Variants in SLC9C2 observed in about 807,000 individuals in gnomAD.
The protein encoded by SLC9C2 is sodium/hydrogen exchanger 11.
A neutral mutation model predicts 140.2 loss-of-function variants in SLC9C2; 75 were observed. The ratio of observed to expected loss-of-function variants is 0.53; its 90% CI spans 0.44 to 0.65. The LOEUF is 0.65. Among genes scored for constraint, SLC9C2 ranks in the 30% least tolerant of loss-of-function variants. The pLI is 0.00. For synonymous variants in SLC9C2, 375 were observed against 420.9 expected, an observed-to-expected ratio of 0.89 and a Z score of 1.34; for missense variants, 1,074 against 1,331.8, an observed-to-expected ratio of 0.81 and a Z score of 3.01.
rs1664952050 is a variant in SLC9C2 at position 173,573,242 on chromosome 1, T to C, written c.986A>G (p.His329Arg). 2 of 1,586,662 alleles carry C rather than the reference T, an allele frequency of 1.3e-6. No homozygotes were observed. The highest frequency in any genetic ancestry group is 4.5e-5 in the East Asian group (2 of 44,684). The change falls in exon 9 of 28, where the codon CAC (histidine) becomes CGC (arginine). Residue 329 changes from histidine to arginine, a missense_variant. His to Arg is a conservative substitution (Grantham distance 29). Coordinates refer to ENST00000367714, the MANE Select transcript of SLC9C2 (RefSeq NM_178527.4). ...GAAAGGTATAGTGTGAAATTCATAG[T>C]GGCTGAGTTCTCCACATCCAATCAC... ...GIVIGCGELS[H>R]YEFHTIPFIF...
chr1:173,585,346 A>C (rs1216972103), intron 5 of SLC9C2, among the ~76,000 whole-genome samples: 1 of 152,260 alleles, frequency 6.6e-6, no homozygotes, highest in African/African-American at 2.4e-5. Context: ...TCTGTATATT[A>C]TAATTTTAGG....
rs781069531 is a variant in SLC9C2 at position 173,524,806 on chromosome 1, A to C, written c.2487T>G (p.Asp829Glu). 4 of 1,614,046 alleles carry C rather than the reference A, an allele frequency of 2.5e-6. No individual in the cohort carries two copies. The South Asian group carries it at 4.4e-5, about 18-fold the overall frequency. Residue 829 changes from aspartate (D) to glutamate (E), a missense_variant, in exon 20 of 28, where the codon GAT becomes GAG. By Grantham distance (45) the Asp-to-Glu change is conservative (BLOSUM62 2). Coordinates refer to ENST00000367714, the MANE Select transcript of SLC9C2 (RefSeq NM_178527.4). ...LTFLCSRGII[D>E]KHEVIEINKV... ...TATTTATCTCAATGACTTCATGCTT[A>C]TCAATAATGCCTCTTGAACAAAGGA...
intron 9 of SLC9C2, among the ~76,000 whole-genome samples, chr1:173,565,002 C>T (rs1235309380): frequency 7.7e-6 from 1 of 130,698 alleles, no homozygotes; most frequent in Non-Finnish European, 1.6e-5. Context: ...AAGTCTCACT[C>T]TGTCGCCCAG....
At position 173,583,569 on chromosome 1, in the gene SLC9C2, T is replaced by C. The variant is rs1252384306; in HGVS notation, c.577A>G (p.Ser193Gly). 1 of 1,610,652 alleles carries C rather than the reference T, an allele frequency of 6.2e-7. No individual in the cohort carries two copies. The highest frequency in any genetic ancestry group is 8.5e-7 in the Non-Finnish European group (1 of 1,178,520). ...LIRGESLIICSIASIFFGNFR... is the reference protein window; with the variant it reads ...LIRGESLIICGIASIFFGNFR... ...TTTCCAAAAAAAATTGATGCGATGCTACAAATGATCAATGATTCTCCTCTA... is the reference window on the plus strand; with the variant it reads ...TTTCCAAAAAAAATTGATGCGATGCCACAAATGATCAATGATTCTCCTCTA... Residue 193 changes from serine to glycine, a missense_variant, in exon 6 of 28, where the codon AGC becomes GGC. By Grantham distance (56) the Ser-to-Gly change is moderately conservative (BLOSUM62 0). Transcript: ENST00000367714.
chr1:173,592,325 G>A (rs1473015908), intron 4 of SLC9C2, among the ~76,000 whole-genome samples: 1 of 152,146 alleles, frequency 6.6e-6, no homozygotes, highest in Non-Finnish European at 1.5e-5. Flanking sequence ...TTTTGCTTAG[G>A]ATTGCTTTAG....
chr1:173,507,163 C>A, intron 24 of SLC9C2, 122 bp from the exon 25 acceptor site: 1 of 725,866 alleles, frequency 1.4e-6, no homozygotes, highest in Non-Finnish European at 2.2e-6. Context: ...CAGCCCCTGG[C>A]ACCAACAGAC....
chr1:173,507,193 G>A (rs193277888), intron 24 of SLC9C2, 152 bp from the exon 25 acceptor site: 1 of 642,676 alleles, frequency 1.6e-6, no homozygotes, highest in Non-Finnish European at 2.6e-6. Flanking sequence ...TTAGCATTCA[G>A]AATGGCCTCT....
rs371315479 is a variant in SLC9C2, at chr1:173,520,378, G to A, written c.2739+923C>T. The stretch of plus-strand genomic sequence containing the variant: ...ATGCCCAGCTTATATTGCCTTTCTC[G>A]ACTACCTTTTAAAAAATCACAACTA... On this transcript the variant is annotated intron_variant, in intron 22 of 27. Coordinates refer to ENST00000367714, the MANE Select transcript of SLC9C2 (RefSeq NM_178527.4). 2.5e-3 allele frequency among the ~76,000 whole-genome samples: 374 copies of A among 152,056 alleles called. 2 individuals carry two copies. The highest frequency in any genetic ancestry group is 3.7e-3 in the Non-Finnish European group (251 of 67,970).
At chr1:173,516,802 A>G (rs952218856) in intron 23 of SLC9C2, among the ~76,000 whole-genome samples, 1 of 152,172 alleles carries the variant, frequency 6.6e-6, no homozygotes. Flanking sequence ...TTATAATAGA[A>G]TGATTTACAT....
chr1:173,540,325 T>C (rs993181831), intron 13 of SLC9C2, among the ~76,000 whole-genome samples: 1 of 152,212 alleles, frequency 6.6e-6, no homozygotes, highest in African/African-American at 2.4e-5. Context: ...ATCACCTGGA[T>C]TGCCAACACA....
At chr1:173,512,789 G>T (rs947561100) in intron 23 of SLC9C2, among the ~76,000 whole-genome samples, 3 of 152,140 alleles carry the variant, frequency 2.0e-5, no homozygotes, top group Admixed American at 1.3e-4. Context: ...CTGTGGGTTT[G>T]TCATAAATAG....
chr1:173,586,020 G>A (rs1558091839), intron 5 of SLC9C2, among the ~76,000 whole-genome samples: 1 of 150,432 alleles, frequency 6.6e-6, no homozygotes, highest in Non-Finnish European at 1.5e-5. Flanking sequence ...TCCTTTTTTT[G>A]AAAAAAAATT....
chr1:173,528,742 T>TA (rs1661376154), intron 18 of SLC9C2, among the ~76,000 whole-genome samples: 1 of 152,190 alleles, frequency 6.6e-6, no homozygotes, highest in Admixed American at 6.5e-5. Flanking sequence ...ATCATTGTAG[T>TA]AATCAGGATT....
chr1:173,551,811 A>G (rs1663332714), intron 11 of SLC9C2, among the ~76,000 whole-genome samples: 1 of 152,086 alleles, frequency 6.6e-6, no homozygotes, highest in South Asian at 2.1e-4. Flanking sequence ...TAACCCTACA[A>G]TGGCTTCTAA....
intron 4 of SLC9C2, among the ~76,000 whole-genome samples, chr1:173,588,587 TG>T (rs1242837306): frequency 6.6e-6 from 1 of 152,230 alleles, no homozygotes; most frequent in African/African-American, 2.4e-5. Context: ...ATTTTTTAAA[TG>T]TTAAATTAAC....
intron 12 of SLC9C2, 145 bp from the exon 13 acceptor site, chr1:173,547,929 T>G (rs1417461088): frequency 3.2e-6 from 2 of 623,924 alleles, no homozygotes; most frequent in Non-Finnish European, 5.4e-6. Context: ...TATGTAATGT[T>G]TTTTCATATA....
rs780925785 is a variant in SLC9C2 at position 173,533,714 on chromosome 1, G to T, written c.2058C>A (p.Ile686=). 14 of 1,610,284 alleles carry T rather than the reference G, an allele frequency of 8.7e-6. No individual in the cohort carries two copies. Among genetic ancestry groups the T allele is most frequent in the Admixed American group, 1.7e-5 (1 of 59,818 alleles). Residue 686 remains isoleucine (I), a synonymous_variant, in exon 17 of 28, where the codon ATC becomes ATA. Coordinates refer to ENST00000367714, the MANE Select transcript of SLC9C2 (RefSeq NM_178527.4). ...TCAATTTCACAAAGTATACACAAAA[G>T]ATATCAATGATTCCAATAACCAGGA... is the stretch of plus-strand genomic sequence containing the variant. ...FFILVIGIID[I]FCVYFVKLRP...
rs368487408 is a variant in SLC9C2, at chr1:173,532,308, C to T, written c.2163+1301G>A. On this transcript the variant is annotated intron_variant, in intron 17 of 27. Coordinates refer to ENST00000367714, the MANE Select transcript of SLC9C2 (RefSeq NM_178527.4). ...AATAAATACTAATATAATAGATTTG[C>T]TTGATGTAATAAGAATTAAACAACA... Among the ~76,000 whole-genome samples, 5 of 152,140 alleles carry T rather than the reference C, an allele frequency of 3.3e-5. No individual in the cohort carries two copies. The East Asian group carries it at 9.6e-4, about 29-fold the overall frequency.
chr1:173,507,552 T>C (rs980894287), intron 24 of SLC9C2, among the ~76,000 whole-genome samples: 3 of 152,132 alleles, frequency 2.0e-5, no homozygotes, highest in Non-Finnish European at 4.4e-5. Flanking sequence ...CCAATTCTTA[T>C]GCTGAAGTCC....
Sources: allele counts gnomAD v4.1 joint callset (sites outside exome capture counted in the v4.1 genomes callset), GRCh38; gene constraint gnomAD v4.1.1; transcripts MANE v1.5; gene names NCBI Gene and HGNC (gene_info 2026-07-23, HGNC 2026-07-21).